RNF216: variants seen among roughly 807,000 people sequenced by gnomAD.
The protein encoded by RNF216 is ring finger protein 216.
Under a neutral mutation model 110.8 loss-of-function variants are expected in RNF216, and 72 were observed. The ratio of observed to expected loss-of-function variants is 0.65; its 90% CI spans 0.54 to 0.79. The LOEUF (loss-of-function observed/expected upper bound fraction) is 0.79. Among genes scored for constraint, RNF216 ranks in the 30% least tolerant of loss-of-function variants. RNF216 has a pLI of 0.00. For synonymous variants in RNF216, 495 were observed against 407.5 expected (o/e 1.21, Z -2.59); for missense variants, 1,342 against 1,141.2 (o/e 1.18, Z -2.54).
intron 1 of RNF216, among the ~76,000 whole-genome samples, chr7:5,764,647 C>CAAAAA (rs5882067): frequency 7.5e-6 from 1 of 132,816 alleles, no homozygotes; most frequent in Non-Finnish European, 1.6e-5. Flanking sequence ...GACACCGTCT[C>CAAAAA]AAAAAAAAAA....
chr7:5,666,392 A>G (rs769241830), intron 13 of RNF216, among the ~76,000 whole-genome samples: 11 of 152,124 alleles, frequency 7.2e-5, no homozygotes, highest in Non-Finnish European at 1.5e-4. Context: ...AGGTGCATGT[A>G]AGTGAAGACT....
chr7:5,654,179 C>T (rs1013122752), intron 13 of RNF216, among the ~76,000 whole-genome samples: 1 of 152,092 alleles, frequency 6.6e-6, no homozygotes. Flanking sequence ...TGGGCAAGGA[C>T]AGGTAGAAAA....
chr7:5,671,896 C>T (rs965169139), intron 13 of RNF216, among the ~76,000 whole-genome samples: 3 of 151,710 alleles, frequency 2.0e-5, no homozygotes, highest in African/African-American at 7.3e-5. Flanking sequence ...GAAGACAGTC[C>T]TCTGCAAGCC....
At chr7:5,705,174 T>G (rs1354865655) in intron 13 of RNF216, among the ~76,000 whole-genome samples, 1 of 152,200 alleles carries the variant, frequency 6.6e-6, no homozygotes, top group African/African-American at 2.4e-5. Context: ...CCCGGATCAC[T>G]GATCTAGGGT....
intron 15 of RNF216, among the ~76,000 whole-genome samples, chr7:5,635,244 C>T (rs80019780): frequency 6.6e-6 from 1 of 151,142 alleles, no homozygotes; most frequent in Non-Finnish European, 1.5e-5. Flanking sequence ...AAACCGAGGT[C>T]AGTTTTGATG....
At chr7:5,675,639 A>AAAACAAACAAAC (rs372675901) in intron 13 of RNF216, among the ~76,000 whole-genome samples, 22 of 151,774 alleles carry the variant, frequency 1.4e-4, no homozygotes, top group African/African-American at 4.8e-4. Context: ...AGACCCTCTC[A>AAAACAAACAAAC]AAACAAACAA....
intron 11 of RNF216, 35 bp from the exon 12 acceptor site, chr7:5,712,898 C>CA: frequency 6.3e-7 from 1 of 1,577,284 alleles, no homozygotes; most frequent in Non-Finnish European, 8.6e-7. Context: ...AAAAAAAAAT[C>CA]AATACCATTT....
chr7:5,641,957 C>T (rs1047429713), intron 14 of RNF216, among the ~76,000 whole-genome samples: 1 of 148,674 alleles, frequency 6.7e-6, no homozygotes, highest in Non-Finnish European at 1.5e-5. Flanking sequence ...CGCTTAAACC[C>T]GGGAGGTGAA....
chr7:5,670,469 C>T (rs1231764058), intron 13 of RNF216, among the ~76,000 whole-genome samples: 1 of 152,122 alleles, frequency 6.6e-6, no homozygotes, highest in Non-Finnish European at 1.5e-5. Flanking sequence ...TCTTTTACTT[C>T]CTCTTTTTGC....
intron 13 of RNF216, among the ~76,000 whole-genome samples, chr7:5,657,635 A>G (rs1419213415): frequency 6.6e-6 from 1 of 152,172 alleles, no homozygotes; most frequent in African/African-American, 2.4e-5. Flanking sequence ...TAAAAGGCCC[A>G]CACACTTGAC....
At chr7:5,755,803 T>C (rs771343982) in intron 2 of RNF216, among the ~76,000 whole-genome samples, 2 of 152,204 alleles carry the variant, frequency 1.3e-5, no homozygotes, top group Non-Finnish European at 2.9e-5. Context: ...GGATACATTC[T>C]AGGAGTGGAA....
At position 5,704,478 on chromosome 7, in the gene RNF216, T is replaced by C. The variant is rs141126915; in HGVS notation, c.2061+7283A>G. ...TGCACAACTGAGAAAGGTAAAAGCG[T>C]ATGCGCTAATAACATGGACTTCTTA... is the stretch of plus-strand genomic sequence containing the variant. On this transcript the variant is annotated intron_variant, in intron 13 of 16. Transcript: ENST00000389902. Among the ~76,000 whole-genome samples the C allele has an allele frequency of 2.4e-3, 370 of 152,326 alleles. 1 individual carries two copies. The highest frequency in any genetic ancestry group is 4.4e-3 in the Non-Finnish European group (301 of 68,038).
chr7:5,721,227 G>C (rs1341348539), intron 8 of RNF216, 55 bp from the exon 9 acceptor site: 1 of 1,540,170 alleles, frequency 6.5e-7, no homozygotes, highest in Non-Finnish European at 8.9e-7. Context: ...TTAGGAACCT[G>C]GGCCAGCCAT....
At chr7:5,673,942 C>T (rs1224577655) in intron 13 of RNF216, among the ~76,000 whole-genome samples, 1 of 148,178 alleles carries the variant, frequency 6.7e-6, no homozygotes, top group Non-Finnish European at 1.5e-5. Flanking sequence ...CTCACTGCAA[C>T]ATCTGCCTCT....
At chr7:5,654,713 A>AAAAAAG (rs1562793720) in intron 13 of RNF216, among the ~76,000 whole-genome samples, 4 of 92,010 alleles carry the variant, frequency 4.3e-5, no homozygotes, top group Non-Finnish European at 8.5e-5. Context: ...AAAAAAAAAA[A>AAAAAAG]GGCTCAATCA....
intron 9 of RNF216, among the ~76,000 whole-genome samples, chr7:5,717,401 T>C (rs1401830835): frequency 6.6e-6 from 1 of 152,176 alleles, no homozygotes; most frequent in African/African-American, 2.4e-5. Flanking sequence ...CAGACTTCGC[T>C]GGCGAGGCTG....
chr7:5,668,251 C>A (rs1460884270), intron 13 of RNF216, among the ~76,000 whole-genome samples: 1 of 142,078 alleles, frequency 7.0e-6, no homozygotes, highest in Non-Finnish European at 1.5e-5. Flanking sequence ...GAGATGGAGT[C>A]TCGCTCCGTT....
chr7:5,711,794 C>G lies in RNF216; in HGVS notation c.2028G>C (p.Lys676Asn). 6.2e-7 allele frequency: 1 copy of G among 1,613,938 alleles called. No homozygotes were observed. The highest frequency in any genetic ancestry group is 8.5e-7 in the Non-Finnish European group (1 of 1,179,944). Residue 676 changes from lysine to asparagine, a missense_variant, in exon 13 of 17, where the codon AAG becomes AAC. Physicochemically the swap from Lys to Asn is moderately conservative, Grantham distance 94 (BLOSUM62 0). Transcript: ENST00000389902. ...AGTGAGGATTAGGACAGCTGAACCT[C>G]TTCACATCACTGTCCAACAGAGCCG... ...SFPALLDSDVKRFSCPNPHCR... is the reference protein window; with the variant it reads ...SFPALLDSDVNRFSCPNPHCR...
At chr7:5,774,658 A>C (rs570362259) in intron 1 of RNF216, among the ~76,000 whole-genome samples, 69 of 152,218 alleles carry the variant, frequency 4.5e-4, no homozygotes, top group Non-Finnish European at 9.1e-4. Flanking sequence ...AATACCATCA[A>C]AATAGCTGCA....
Sources: gnomAD v4.1 joint callset for allele counts (sites outside exome capture counted in the v4.1 genomes callset) on GRCh38, gnomAD v4.1.1 for gene constraint, MANE v1.5 for transcripts, NCBI Gene and HGNC (gene_info 2026-07-23, HGNC 2026-07-21) for gene names.